Variants in DPP6 observed in about 807,000 individuals in gnomAD.
DPP6 encodes dipeptidyl peptidase like 6.
In DPP6, 69 loss-of-function variants were observed where a neutral mutation model predicts 122.6. The observed-to-expected ratio is 0.56, with a 90% CI of 0.46 to 0.69. DPP6 has a LOEUF of 0.69. Among genes scored for constraint, DPP6 ranks in the 30% least tolerant of loss-of-function variants. DPP6 has a pLI of 0.00. For missense variants in DPP6, 928 were observed against 1,116.9 expected, an observed-to-expected ratio of 0.83 and a Z score of 2.41; for synonymous variants, 418 against 433.1, an observed-to-expected ratio of 0.97 and a Z score of 0.43.
At chr7:154,023,616 G>A (rs1183128753) in intron 1 of DPP6, among the ~76,000 whole-genome samples, 2 of 151,556 alleles carry the variant, frequency 1.3e-5, no homozygotes, top group East Asian at 3.9e-4. Flanking sequence ...CAAGTAGCTG[G>A]AATTACAGGT....
At chr7:154,673,761 C>T (rs572611535) in intron 7 of DPP6, among the ~76,000 whole-genome samples, 5 of 152,304 alleles carry the variant, frequency 3.3e-5, no homozygotes, top group East Asian at 3.9e-4. Flanking sequence ...AGTGGTCAGT[C>T]GGGAAACATA....
the DPP6 span, among the ~76,000 whole-genome samples, chr7:153,768,775 C>A: frequency 6.6e-6 from 1 of 152,122 alleles, no homozygotes; most frequent in Admixed American, 6.5e-5. Context: ...GTATTTACCA[C>A]CTATGACTAC....
chr7:153,887,744 A>G (rs1798995943), intron 1 of DPP6: 6 of 1,613,014 alleles, frequency 3.7e-6, no homozygotes, highest in Non-Finnish European at 5.1e-6. Flanking sequence ...GGTGAGTGCC[A>G]CGGACAGGGC....
intron 1 of DPP6, among the ~76,000 whole-genome samples, chr7:153,906,291 C>T (rs557167762): frequency 3.3e-5 from 5 of 152,214 alleles, no homozygotes; most frequent in Admixed American, 3.3e-4. Flanking sequence ...TTTGTGTGCT[C>T]ATCGCTCATA....
At chr7:153,887,753 G>A in intron 1 of DPP6, 1 of 1,612,200 alleles carries the variant, frequency 6.2e-7, no homozygotes. Flanking sequence ...CACGGACAGG[G>A]CGCGCGCTGG....
the DPP6 span, among the ~76,000 whole-genome samples, chr7:153,765,175 T>C: frequency 2.0e-5 from 3 of 151,998 alleles, no homozygotes; most frequent in Admixed American, 6.6e-5. Flanking sequence ...CTTTATTATT[T>C]TTTAAATAAT....
chr7:154,643,232 C>T (rs1836219848), intron 6 of DPP6, among the ~76,000 whole-genome samples: 3 of 151,770 alleles, frequency 2.0e-5, no homozygotes, highest in Admixed American at 2.0e-4. Context: ...ATTCTCAATA[C>T]TCAATAATTT....
intron 3 of DPP6, among the ~76,000 whole-genome samples, chr7:154,529,497 T>A (rs1827672582): frequency 6.6e-6 from 1 of 152,194 alleles, no homozygotes. Context: ...GTCTAGGATA[T>A]AATCCAAAAT....
At position 154,241,185 on chromosome 7, in the gene DPP6, A is replaced by ATGCGTGTATG. The variant is rs34454400; in HGVS notation, c.243+188124_243+188125insCGTGTATGTG. 1.5e-5 allele frequency among the ~76,000 whole-genome samples: 2 copies of ATGCGTGTATG among 136,212 alleles called. No individual in the cohort carries two copies. The highest frequency in any genetic ancestry group is 5.6e-5 in the African/African-American group (2 of 35,690). 89.4% of individuals were successfully genotyped at this position (136,212 alleles called of 152,430 possible). A position where few individuals can be genotyped will look rare whatever the true frequency, so the allele number is the denominator to read the frequency against. On this transcript the variant is annotated intron_variant, in intron 1 of 25. Transcript: ENST00000377770. The surrounding 1 kb of genome is among the most constrained non-coding windows in gnomAD (Gnocchi z 9.0). ...GCACAGTAGGTAATTCAATATCAAT[A>ATGCGTGTATG]TGTGTGTGTGTGTGTGTGTGTGTGT...
chr7:154,373,286 A>G (rs1177503525), intron 1 of DPP6, among the ~76,000 whole-genome samples: 1 of 152,244 alleles, frequency 6.6e-6, no homozygotes, highest in Non-Finnish European at 1.5e-5. Flanking sequence ...GCCAGCCTTC[A>G]AGAAAATGTA....
intron 1 of DPP6, among the ~76,000 whole-genome samples, chr7:153,910,968 G>A (rs1043751024): frequency 6.6e-6 from 1 of 152,122 alleles, no homozygotes; most frequent in African/African-American, 2.4e-5. Context: ...TCCACTTTGG[G>A]TCAGAGACAC....
rs2629008 is a variant in DPP6 at position 154,009,573 on chromosome 7, A to G, written c.51+121839A>G. On this transcript the variant is annotated intron_variant, in intron 1 of 25. Transcript: ENST00000404039. ...GGAAAGCAGGGGTCCTGGCCACACC[A>G]TGAAACTCATGATGTTCTCCACTCT... 9.2e-3 allele frequency among the ~76,000 whole-genome samples: 1,334 copies of G among 145,480 alleles called. 21 individuals are homozygous for G. The highest frequency in any genetic ancestry group is 0.031 in the African/African-American group (1,233 of 39,940).
At chr7:154,398,991 AT>A (rs1185056355) in intron 1 of DPP6, among the ~76,000 whole-genome samples, 1 of 152,212 alleles carries the variant, frequency 6.6e-6, no homozygotes, top group Non-Finnish European at 1.5e-5. Flanking sequence ...TGACGCCTTT[AT>A]GTAAGCTGTT....
intron 2 of DPP6, among the ~76,000 whole-genome samples, chr7:154,454,354 A>G (rs74984571): frequency 0.041 from 6,207 of 152,298 alleles, 406 homozygotes; most frequent in African/African-American, 0.14. Context: ...TTTCTGCCCA[A>G]AGTTAACTTG....
the DPP6 span, among the ~76,000 whole-genome samples, chr7:153,865,648 T>C: frequency 6.6e-6 from 1 of 152,216 alleles, no homozygotes; most frequent in Admixed American, 6.5e-5. Context: ...AATAGTGTAT[T>C]TTTTAAATTT....
At position 154,537,245 on chromosome 7, in the gene DPP6, TAAAC is replaced by T. The variant is rs1040993055; in HGVS notation, c.458-3286_458-3283del. On this transcript the variant is annotated intron_variant, in intron 3 of 25. Coordinates refer to ENST00000377770, the MANE Select transcript of DPP6 (RefSeq NM_130797.4). The stretch of plus-strand genomic sequence containing the variant: ...AACAGAAAAAAGTGGGCAAAATAAA[TAAAC>T]CAATGAATTTTATAAAATAAGACAA... Among the ~76,000 whole-genome samples, 7 of 151,986 alleles carry T rather than the reference TAAAC, an allele frequency of 4.6e-5. No individual in the cohort carries two copies. In the South Asian group the frequency reaches 8.3e-4, roughly 18 times the overall value.
chr7:154,157,063 G>A (rs1384222319), intron 1 of DPP6, among the ~76,000 whole-genome samples: 1 of 152,270 alleles, frequency 6.6e-6, no homozygotes. Flanking sequence ...AAATCCTGAT[G>A]TGTGAGGTTC....
intron 5 of DPP6, among the ~76,000 whole-genome samples, chr7:154,599,366 G>A (rs1275555421): frequency 6.6e-6 from 1 of 152,078 alleles, no homozygotes; most frequent in Non-Finnish European, 1.5e-5. Flanking sequence ...AAGTGGACAG[G>A]GTAGAAGATA....
chr7:153,875,703 A>G, the DPP6 span, among the ~76,000 whole-genome samples: 1 of 152,012 alleles, frequency 6.6e-6, no homozygotes, highest in South Asian at 2.1e-4. Flanking sequence ...TAATTGTTTA[A>G]TAACAGGCTA....
Sources: allele counts gnomAD v4.1 joint callset (sites outside exome capture counted in the v4.1 genomes callset), GRCh38; gene constraint gnomAD v4.1.1; non-coding constraint Gnocchi (gnomAD v3.1); transcripts MANE v1.5; gene names NCBI Gene and HGNC (gene_info 2026-07-23, HGNC 2026-07-21).